Variants in SAMD12 observed in about 807,000 individuals in gnomAD.
The protein encoded by SAMD12 is sterile alpha motif domain-containing protein 12.
Under a neutral mutation model 15.0 loss-of-function variants are expected in SAMD12, and 9 were observed. The ratio of observed to expected loss-of-function variants is 0.60; its 90% CI spans 0.36 to 1.05. The LOEUF is 1.05. Among genes scored for constraint, SAMD12 ranks in the 50% least tolerant of loss-of-function variants. The pLI is 0.01. For synonymous variants in SAMD12, 86 were observed against 90.1 expected, an observed-to-expected ratio of 0.96 and a Z score of 0.25; for missense variants, 230 against 234.2, an observed-to-expected ratio of 0.98 and a Z score of 0.12.
chr8:118,428,891 G>A (rs1822316010), intron 3 of SAMD12, among the ~76,000 whole-genome samples: 1 of 151,972 alleles, frequency 6.6e-6, no homozygotes. Context: ...TCAAAAGTTT[G>A]TTCTTTTTCT....
intron 2 of SAMD12, among the ~76,000 whole-genome samples, chr8:118,562,357 A>T (rs1035724215): frequency 6.6e-6 from 1 of 151,928 alleles, no homozygotes; most frequent in Non-Finnish European, 1.5e-5. Context: ...AGTAAGAAAC[A>T]CCAGAAGAGG....
intron 2 of SAMD12, among the ~76,000 whole-genome samples, chr8:118,458,490 T>G (rs921628092): frequency 4.6e-5 from 7 of 152,332 alleles, no homozygotes; most frequent in Admixed American, 3.9e-4. Context: ...TAAAAATATC[T>G]GGGCTTCACA....
chr8:118,245,264 G>A (rs1812659628), intron 4 of SAMD12, among the ~76,000 whole-genome samples: 1 of 152,128 alleles, frequency 6.6e-6, no homozygotes, highest in Non-Finnish European at 1.5e-5. Context: ...TCTGTGATTA[G>A]ACACTGAGGT....
At chr8:118,546,839 G>C (rs936247252) in intron 2 of SAMD12, among the ~76,000 whole-genome samples, 1 of 152,160 alleles carries the variant, frequency 6.6e-6, no homozygotes, top group Non-Finnish European at 1.5e-5. Context: ...AACACTTGGT[G>C]CCTGGAAGAG....
At chr8:118,365,108 A>G (rs2130652708) in intron 4 of SAMD12, among the ~76,000 whole-genome samples, 1 of 152,228 alleles carries the variant, frequency 6.6e-6, no homozygotes, top group East Asian at 1.9e-4. Context: ...TAAGGCATTC[A>G]CTTCACATTC....
At chr8:118,391,863 G>A (rs1820292626) in intron 3 of SAMD12, among the ~76,000 whole-genome samples, 1 of 151,542 alleles carries the variant, frequency 6.6e-6, no homozygotes, top group Admixed American at 6.6e-5. Context: ...GTATTAAACA[G>A]CTACAAAAAC....
the SAMD12 span, among the ~76,000 whole-genome samples, chr8:118,145,657 G>A: frequency 6.6e-6 from 1 of 152,208 alleles, no homozygotes; most frequent in African/African-American, 2.4e-5. Context: ...GGGTGAGGAA[G>A]CGGGATTGGA....
chr8:118,163,545 T>C, the SAMD12 span, among the ~76,000 whole-genome samples: 1 of 152,150 alleles, frequency 6.6e-6, no homozygotes, highest in Non-Finnish European at 1.5e-5. Context: ...CCCATGCCTT[T>C]GGAGAGTCAA....
intron 4 of SAMD12, chr8:118,197,772 C>A (rs1563690633): frequency 6.3e-7 from 1 of 1,589,980 alleles, no homozygotes; most frequent in East Asian, 2.2e-5. Flanking sequence ...AAGTTCTTTC[C>A]TTTATGTTTC....
chr8:118,533,146 T>C (rs549003412), intron 2 of SAMD12, among the ~76,000 whole-genome samples: 73 of 152,362 alleles, frequency 4.8e-4, no homozygotes, highest in African/African-American at 1.7e-3. Flanking sequence ...GTGTCTTTGT[T>C]CTCGTTGGTT....
At chr8:118,324,890 C>G (rs992910297) in intron 4 of SAMD12, among the ~76,000 whole-genome samples, 12 of 152,096 alleles carry the variant, frequency 7.9e-5, no homozygotes, top group African/African-American at 2.4e-4. Flanking sequence ...TCATGTATGT[C>G]CAGTGCTGCC....
chr8:118,150,475 G>A, the SAMD12 span, among the ~76,000 whole-genome samples: 1 of 151,938 alleles, frequency 6.6e-6, no homozygotes, highest in Non-Finnish European at 1.5e-5. Context: ...TGAACTCCTG[G>A]GCTTAAATGA....
intron 4 of SAMD12, among the ~76,000 whole-genome samples, chr8:118,205,010 A>G (rs1819822521): frequency 6.6e-6 from 1 of 152,234 alleles, no homozygotes; most frequent in African/African-American, 2.4e-5. Context: ...GTATTTGTAG[A>G]TAAGATGAAC....
intron 2 of SAMD12, among the ~76,000 whole-genome samples, chr8:118,537,622 A>AT (rs771038689): frequency 2.0e-5 from 3 of 152,074 alleles, no homozygotes; most frequent in Non-Finnish European, 2.9e-5. Flanking sequence ...TTTCTGCTTG[A>AT]TTTTTTAAAA....
chr8:118,194,912 A>G (rs1563688819), exon 5 of SAMD12: 1 of 152,152 alleles, frequency 6.6e-6, no homozygotes, highest in Non-Finnish European at 1.5e-5. Flanking sequence ...TTTCCAAACT[A>G]TCCCCCACAA....
intron 4 of SAMD12, among the ~76,000 whole-genome samples, chr8:118,330,286 G>A (rs895608215): frequency 1.3e-5 from 2 of 152,142 alleles, no homozygotes; most frequent in African/African-American, 4.8e-5. Context: ...GTAGAAAAAC[G>A]TGAAGGCAAA....
At chr8:118,429,912 T>TA (rs140917802) in intron 3 of SAMD12, among the ~76,000 whole-genome samples, 14 of 150,982 alleles carry the variant, frequency 9.3e-5, no homozygotes, top group East Asian at 1.9e-4. Context: ...AAAAATAGAT[T>TA]AAAAAAAAAT....
intron 4 of SAMD12, among the ~76,000 whole-genome samples, chr8:118,270,784 T>C (rs899494770): frequency 6.6e-6 from 1 of 152,202 alleles, no homozygotes; most frequent in Non-Finnish European, 1.5e-5. Context: ...TTCTAGATCA[T>C]GCATTTGATC....
chr8:118,183,977 A>T, the SAMD12 span, among the ~76,000 whole-genome samples: 1 of 152,226 alleles, frequency 6.6e-6, no homozygotes, highest in Non-Finnish European at 1.5e-5. Context: ...CTCCAGGGAA[A>T]TGATAATATC....
Sources: allele counts gnomAD v4.1 joint callset (sites outside exome capture counted in the v4.1 genomes callset), GRCh38; gene constraint gnomAD v4.1.1; transcripts MANE v1.5; gene names NCBI Gene and HGNC (gene_info 2026-07-23, HGNC 2026-07-21).